ZFHX3: variants seen among roughly 807,000 people sequenced by gnomAD.
ZFHX3 encodes zinc finger homeobox 3.
In ZFHX3, 42 loss-of-function variants were observed where a neutral mutation model predicts 279.1. That is an observed-to-expected ratio of 0.15 (90% confidence interval 0.12 to 0.19). The LOEUF (loss-of-function observed/expected upper bound fraction) is 0.19, where lower values mean the gene tolerates loss of function less well. Among genes scored for constraint, ZFHX3 ranks in the 10% least tolerant of loss-of-function variants. ZFHX3 has a pLI of 1.00. For synonymous variants in ZFHX3, 2,293 were observed against 1,957.8 expected (o/e 1.17, Z -4.52); for missense variants, 4,981 against 4,754.0 (o/e 1.05, Z -1.40).
chr16:72,957,364 A>G, intron 2 of ZFHX3, 63 bp downstream of exon 2: 1 of 1,528,528 alleles, frequency 6.5e-7, no homozygotes, highest in Non-Finnish European at 8.8e-7. Flanking sequence ...ATCTCACCCT[A>G]TTCACCATTC....
At chr16:73,837,472 A>G (rs1490142206) in intron 1 of ZFHX3, among the ~76,000 whole-genome samples, 5 of 152,230 alleles carry the variant, frequency 3.3e-5, no homozygotes, top group Non-Finnish European at 7.3e-5. Context: ...ACCACTTTAA[A>G]TATGTTAAAG....
chr16:72,950,631 G>C lies in ZFHX3; in HGVS notation c.3054C>G (p.Ile1018Met). The change falls in exon 3 of 10, where the codon ATC (isoleucine) becomes ATG (methionine). Residue 1018 changes from isoleucine to methionine, a missense_variant. This residue lies in a region of ZFHX3 where 1,751 missense variants were observed against 1,770.0 expected (regional missense o/e 0.99). Transcript: ENST00000268489. ...ACTCGTTGGCCTTGCCGCCCTCCTT[G>C]ATGTGGGCCACCAGCTGGTACTTCT... ...HVQKYQLVAH[I>M]KEGGKANEWR... 2 of 1,614,214 alleles carry C rather than the reference G, an allele frequency of 1.2e-6. No homozygotes were observed. Among genetic ancestry groups the C allele is most frequent in the Non-Finnish European group, 1.7e-6 (2 of 1,180,036 alleles).
intron 2 of ZFHX3, among the ~76,000 whole-genome samples, chr16:73,665,292 C>A (rs2052825433): frequency 6.7e-6 from 1 of 150,348 alleles, no homozygotes. Context: ...TGGCTCATTG[C>A]AACCTCCACC....
intron 1 of ZFHX3, among the ~76,000 whole-genome samples, chr16:73,034,307 A>G (rs1231964160): frequency 6.6e-6 from 1 of 152,120 alleles, no homozygotes; most frequent in Non-Finnish European, 1.5e-5. Flanking sequence ...CCAAATAAAC[A>G]CTAAGAGAAG....
intron 2 of ZFHX3, among the ~76,000 whole-genome samples, chr16:73,674,134 G>T (rs1278088035): frequency 2.6e-5 from 4 of 152,190 alleles, no homozygotes; most frequent in Non-Finnish European, 4.4e-5. Flanking sequence ...TTTCTAGTAT[G>T]AAAGCAGTGC....
At chr16:73,177,942 A>AGCC (rs1270458797) in intron 5 of ZFHX3, among the ~76,000 whole-genome samples, 1 of 151,890 alleles carries the variant, frequency 6.6e-6, no homozygotes, top group Admixed American at 6.6e-5. Context: ...TATGACAGTC[A>AGCC]GCCTCACGTG....
At chr16:73,723,580 A>C (rs1164963499) in intron 1 of ZFHX3, among the ~76,000 whole-genome samples, 1 of 152,192 alleles carries the variant, frequency 6.6e-6, no homozygotes, top group Non-Finnish European at 1.5e-5. Flanking sequence ...AAGGATATAC[A>C]CCAAAATGTT....
rs1567509018 is a variant in ZFHX3 at position 72,788,647 on chromosome 16, G to GGCTGCTGCACCTGTGGTTGCT, written c.9608_9628dup (p.Gln3203_Gln3209dup). ...CGGCTGGGCTGCTGGCGGCGGGGGA[G>GGCTGCTGCACCTGTGGTTGCT]GCTGCTGCACCTGTGGTTGCTGCTG... On this transcript the variant is annotated inframe_insertion, in exon 10 of 10. Transcript: ENST00000268489. The GGCTGCTGCACCTGTGGTTGCT allele has an allele frequency of 3.7e-6, 6 of 1,613,206 alleles. No homozygotes were observed. Among genetic ancestry groups the GGCTGCTGCACCTGTGGTTGCT allele is most frequent in the Admixed American group, 1.7e-5 (1 of 59,962 alleles).
At chr16:73,856,889 A>T (rs1481038469) in intron 1 of ZFHX3, among the ~76,000 whole-genome samples, 1 of 152,226 alleles carries the variant, frequency 6.6e-6, no homozygotes, top group Non-Finnish European at 1.5e-5. Context: ...TCCATGCCCC[A>T]CCGTTGTTTG....
intron 4 of ZFHX3, among the ~76,000 whole-genome samples, chr16:72,871,570 G>C (rs1355952652): frequency 6.6e-6 from 1 of 151,998 alleles, no homozygotes; most frequent in Non-Finnish European, 1.5e-5. Context: ...TTGATCTCCT[G>C]ACCTTATGAT....
intron 1 of ZFHX3, among the ~76,000 whole-genome samples, chr16:73,772,463 C>T (rs1295337908): frequency 2.0e-5 from 3 of 152,300 alleles, no homozygotes; most frequent in African/African-American, 7.2e-5. Flanking sequence ...AGTTACCTCC[C>T]ACCAGGTAGC....
chr16:72,788,675 G>T lies in ZFHX3; in HGVS notation c.9601C>A (p.Gln3201Lys), dbSNP rs200372531. Residue 3201 changes from glutamine to lysine, a missense_variant, in exon 10 of 10, where the codon CAG becomes AAG. Around this residue, in one of 7 missense-constraint regions of ZFHX3, gnomAD observed 1,034 missense variants for 786.0 expected, o/e 1.32. Coordinates refer to ENST00000268489, the MANE Select transcript of ZFHX3 (RefSeq NM_006885.4). ...GPQQPPQQQQ[Q>K]QQQPQVQQPP... is the part of the protein sequence containing the mutation. ...TGCTGCACCTGTGGTTGCTGCTGCT[G>T]CTGCTGCTGCTGGGGGGGTTGCTGA... 1.1e-4 allele frequency: 175 copies of T among 1,612,846 alleles called. No homozygotes were observed. The highest frequency in any genetic ancestry group is 1.5e-4 in the Non-Finnish European group (172 of 1,179,492).
chr16:72,924,022 A>T (rs1478648612), intron 3 of ZFHX3, among the ~76,000 whole-genome samples: 1 of 152,210 alleles, frequency 6.6e-6, no homozygotes, highest in Non-Finnish European at 1.5e-5. Flanking sequence ...CGGGCTAGCT[A>T]GCACTTGCCC....
At chr16:73,814,158 C>A (rs1277429023) in intron 1 of ZFHX3, among the ~76,000 whole-genome samples, 1 of 152,040 alleles carries the variant, frequency 6.6e-6, no homozygotes, top group Non-Finnish European at 1.5e-5. Flanking sequence ...CCATTTTTTT[C>A]ATTAGCTTTT....
At chr16:72,888,221 T>C (rs185010595) in intron 4 of ZFHX3, among the ~76,000 whole-genome samples, 1 of 152,192 alleles carries the variant, frequency 6.6e-6, no homozygotes, top group African/African-American at 2.4e-5. Flanking sequence ...ATGTGTAATT[T>C]GATTATATTA....
intron 4 of ZFHX3, among the ~76,000 whole-genome samples, chr16:72,854,093 C>T (rs2037688144): frequency 6.6e-6 from 1 of 152,216 alleles, no homozygotes; most frequent in Non-Finnish European, 1.5e-5. Context: ...CACAATCTGT[C>T]CCATGAGGAG....
chr16:73,843,344 A>C (rs1189693981), intron 1 of ZFHX3, among the ~76,000 whole-genome samples: 2 of 152,232 alleles, frequency 1.3e-5, no homozygotes, highest in Non-Finnish European at 2.9e-5. Context: ...ACGTGTGAAG[A>C]TATTCAGCAC....
rs115196102 is a variant in ZFHX3, at chr16:73,647,979, T to A, written c.-1547+32201A>T. Among the ~76,000 whole-genome samples, 1,495 of 152,242 alleles carry A rather than the reference T, an allele frequency of 9.8e-3. 25 individuals carry two copies. The highest frequency in any genetic ancestry group is 0.032 in the African/African-American group (1,345 of 41,532). On this transcript the variant is annotated intron_variant, in intron 2 of 17. Transcript: ENST00000641206. Reference sequence around the variant, plus strand: ...ATAAACAAAAAAAAATTTTAACTGATCTGCTTAGAAAAATGTTAATAATAT... The same window carrying A: ...ATAAACAAAAAAAAATTTTAACTGAACTGCTTAGAAAAATGTTAATAATAT...
intron 1 of ZFHX3, among the ~76,000 whole-genome samples, chr16:73,758,490 G>A (rs188566225): frequency 6.6e-6 from 1 of 152,304 alleles, no homozygotes; most frequent in African/African-American, 2.4e-5. Flanking sequence ...TGATAACAGG[G>A]TGGCTCATAA....
Sources: gnomAD v4.1 joint callset for allele counts (sites outside exome capture counted in the v4.1 genomes callset) on GRCh38, gnomAD v4.1.1 for gene constraint, gnomAD v4.1.1 regional missense constraint, MANE v1.5 for transcripts, NCBI Gene and HGNC (gene_info 2026-07-23, HGNC 2026-07-21) for gene names.